Variants in SNTG2 observed in about 807,000 individuals in gnomAD.
The protein encoded by SNTG2 is syntrophin gamma 2.
In SNTG2, 74 loss-of-function variants were observed where a neutral mutation model predicts 70.9. The observed-to-expected ratio is 1.04, with a 90% CI of 0.86 to 1.27. The LOEUF (loss-of-function observed/expected upper bound fraction) is 1.27. SNTG2 is among the 50% of genes most tolerant of loss of function. SNTG2 has a pLI of 0.00. For missense variants in SNTG2, 717 were observed against 690.7 expected (o/e 1.04, Z -0.43); for synonymous variants, 278 against 273.8 (o/e 1.02, Z -0.15).
chr2:1,211,535 G>T (rs915350583), intron 9 of SNTG2, among the ~76,000 whole-genome samples: 1 of 152,128 alleles, frequency 6.6e-6, no homozygotes, highest in African/African-American at 2.4e-5. Context: ...AATTTATAAA[G>T]AAAAAGAGGT....
intron 1 of SNTG2, among the ~76,000 whole-genome samples, chr2:1,063,370 C>T (rs562644273): frequency 1.3e-5 from 2 of 152,222 alleles, no homozygotes; most frequent in African/African-American, 4.8e-5. Context: ...ATTTGCCCAC[C>T]AGCCCTTCAA....
intron 1 of SNTG2, among the ~76,000 whole-genome samples, chr2:974,408 T>C (rs2147959788): frequency 6.6e-6 from 1 of 152,306 alleles, no homozygotes; most frequent in African/African-American, 2.4e-5. Context: ...AAGGCACTGC[T>C]TGGTTTTCCT....
chr2:1,004,578 G>C (rs1383200585), intron 1 of SNTG2, among the ~76,000 whole-genome samples: 1 of 152,216 alleles, frequency 6.6e-6, no homozygotes. Context: ...AATGTCACAT[G>C]TCAGGGAATT....
rs554629086 is a variant in SNTG2, at chr2:1,113,937, C to G, written c.325+15527C>G. ...ACCCTTACAGTCCTTTGAGGAGGAT[C>G]GTGTTTCCTAAGTGAAGTTTAACCC... On this transcript the variant is annotated intron_variant, in intron 4 of 16. Coordinates refer to ENST00000308624, the MANE Select transcript of SNTG2 (RefSeq NM_018968.4). Among the ~76,000 whole-genome samples, 5 of 150,078 alleles carry G rather than the reference C, an allele frequency of 3.3e-5. No homozygotes were observed. In the South Asian group the frequency reaches 1.1e-3, roughly 32 times the overall value.
intron 1 of SNTG2, among the ~76,000 whole-genome samples, chr2:1,073,108 A>G (rs916513897): frequency 1.3e-5 from 2 of 152,258 alleles, no homozygotes; most frequent in African/African-American, 4.8e-5. Flanking sequence ...CATTGCTGAA[A>G]TGACAACAGA....
chr2:1,004,030 A>G (rs1244394646), intron 1 of SNTG2, among the ~76,000 whole-genome samples: 1 of 152,228 alleles, frequency 6.6e-6, no homozygotes, highest in Non-Finnish European at 1.5e-5. Context: ...GAGAGCTATT[A>G]CAAAGCAGCT....
At chr2:1,180,010 CCA>C (rs1671755799) in intron 8 of SNTG2, among the ~76,000 whole-genome samples, 1 of 133,248 alleles carries the variant, frequency 7.5e-6, no homozygotes, top group African/African-American at 2.7e-5. Flanking sequence ...AACTGGCTAG[CCA>C]TATGTAGAAA....
In SNTG2 at chr2:952,080, C is replaced by G. The variant is rs1486744082; in HGVS notation, c.72+1012C>G. Among the ~76,000 whole-genome samples the G allele has an allele frequency of 2.6e-5, 4 of 152,202 alleles. No individual in the cohort carries two copies. The East Asian group carries it at 7.7e-4, about 29-fold the overall frequency. On this transcript the variant is annotated intron_variant, in intron 1 of 16. Coordinates refer to ENST00000308624, the MANE Select transcript of SNTG2 (RefSeq NM_018968.4). Reference sequence around the variant, plus strand: ...ATGTAGAGACAGGTGCATCTTCATTCAAGTAGCACCTTTCTGGGCTTTTAC... The same window carrying G: ...ATGTAGAGACAGGTGCATCTTCATTGAAGTAGCACCTTTCTGGGCTTTTAC...
chr2:1,175,763 C>T (rs1243670546), intron 8 of SNTG2, among the ~76,000 whole-genome samples: 2 of 152,132 alleles, frequency 1.3e-5, no homozygotes, highest in African/African-American at 4.8e-5. Flanking sequence ...GGTTTTTCTC[C>T]CATTGTGTGG....
intron 14 of SNTG2, among the ~76,000 whole-genome samples, chr2:1,289,161 A>C (rs1679888150): frequency 1.3e-5 from 2 of 152,042 alleles, no homozygotes. Context: ...TTATCTTCAG[A>C]GATCCTAATC....
chr2:1,347,106 A>G (rs1660332359), intron 16 of SNTG2, among the ~76,000 whole-genome samples: 2 of 152,130 alleles, frequency 1.3e-5, no homozygotes, highest in Middle Eastern at 3.4e-3. Context: ...AAAAGGTGAG[A>G]GCTCAGTACT....
intron 14 of SNTG2, among the ~76,000 whole-genome samples, chr2:1,271,951 C>T (rs36132897): frequency 0.3 from 46,142 of 151,466 alleles, 7,872 homozygotes; most frequent in African/African-American, 0.47. Context: ...GTCAAGGGAA[C>T]GCTATTGGAT....
At chr2:1,303,896 G>A (rs1558191747) in intron 14 of SNTG2, among the ~76,000 whole-genome samples, 1 of 152,158 alleles carries the variant, frequency 6.6e-6, no homozygotes, top group Non-Finnish European at 1.5e-5. Flanking sequence ...ACCACGAACT[G>A]CCACAACTCC....
At chr2:1,032,668 T>G (rs1184104895) in intron 1 of SNTG2, among the ~76,000 whole-genome samples, 2 of 152,162 alleles carry the variant, frequency 1.3e-5, no homozygotes, top group African/African-American at 4.8e-5. Context: ...TTTTCACCAT[T>G]AAGTATATTA....
At chr2:1,015,519 GA>G (rs538462952) in intron 1 of SNTG2, among the ~76,000 whole-genome samples, 254 of 152,196 alleles carry the variant, frequency 1.7e-3, no homozygotes, top group African/African-American at 5.7e-3. Flanking sequence ...GTCATAAAAG[GA>G]AAAAAATCCC....
At chr2:1,007,002 C>T (rs1659591848) in intron 1 of SNTG2, among the ~76,000 whole-genome samples, 1 of 152,022 alleles carries the variant, frequency 6.6e-6, no homozygotes, top group Non-Finnish European at 1.5e-5. Flanking sequence ...GCACCCCAGC[C>T]TGGGCAACAG....
intron 1 of SNTG2, among the ~76,000 whole-genome samples, chr2:953,346 A>G (rs954100473): frequency 1.3e-5 from 2 of 152,250 alleles, no homozygotes. Context: ...GCTGCTTTTA[A>G]ATGACAACAC....
chr2:1,171,112 T>C (rs1332564037), intron 7 of SNTG2, among the ~76,000 whole-genome samples: 11 of 152,190 alleles, frequency 7.2e-5, no homozygotes, highest in Non-Finnish European at 1.6e-4. Context: ...ATAAACTAAG[T>C]CTATTTTTCT....
At chr2:1,185,253 A>G (rs1465016963) in intron 8 of SNTG2, among the ~76,000 whole-genome samples, 3 of 152,152 alleles carry the variant, frequency 2.0e-5, no homozygotes, top group Non-Finnish European at 2.9e-5. Flanking sequence ...CTCAGCTCCT[A>G]TTACTGCTCT....
Sources: gnomAD v4.1 joint callset for allele counts (sites outside exome capture counted in the v4.1 genomes callset) on GRCh38, gnomAD v4.1.1 for gene constraint, MANE v1.5 for transcripts, NCBI Gene and HGNC (gene_info 2026-07-23, HGNC 2026-07-21) for gene names.